Variants in SYT17 observed in about 807,000 individuals in gnomAD.
The protein encoded by SYT17 is synaptotagmin 17, also known as synaptotagmin-17.
SYT17 carries 22 observed loss-of-function variants against 46.7 expected under a neutral mutation model. That is an observed-to-expected ratio of 0.47 (90% CI 0.34 to 0.67). SYT17 has a LOEUF of 0.67. SYT17 is among the 30% of genes least tolerant of loss of function. The pLI is 0.01. For synonymous variants in SYT17, 251 were observed against 248.4 expected, an observed-to-expected ratio of 1.01 and a Z score of -0.10; for missense variants, 519 against 612.8, an observed-to-expected ratio of 0.85 and a Z score of 1.62.
Position 19,183,685 on chromosome 16 carries a change from C to T in SYT17, c.489C>T (p.Ser163=). ...YFRKFEPHLY[S]LDSNSDDVDS... is the part of the protein sequence containing the mutation. Reference sequence around the variant, plus strand: ...GGAAGTTCGAACCCCACCTGTACTCCCTCGACTCCAACAGCGACGATGTGG... The same window carrying T: ...GGAAGTTCGAACCCCACCTGTACTCTCTCGACTCCAACAGCGACGATGTGG... The change falls in exon 5 of 8, where the codon TCC becomes TCT. Residue 163 remains serine (S), a synonymous_variant. Transcript: ENST00000355377. The surrounding 1 kb of genome is among the most constrained non-coding windows in gnomAD (Gnocchi z 5.6). The T allele has an allele frequency of 1.2e-6, 2 of 1,614,190 alleles. No individual in the cohort carries two copies. The highest frequency in any genetic ancestry group is 1.3e-5 in the African/African-American group (1 of 75,044).
At chr16:19,196,953 C>T (rs1387905649) in intron 5 of SYT17, among the ~76,000 whole-genome samples, 3 of 152,152 alleles carry the variant, frequency 2.0e-5, no homozygotes, top group Non-Finnish European at 2.9e-5. Flanking sequence ...TACAAACGCC[C>T]CCAGCCTGCC....
At chr16:19,191,402 C>T (rs1485812653) in intron 5 of SYT17, among the ~76,000 whole-genome samples, 1 of 152,150 alleles carries the variant, frequency 6.6e-6, no homozygotes, top group Non-Finnish European at 1.5e-5. Context: ...TTGCCTTGCC[C>T]CTTCCTCCAT....
rs180875806 is a variant in SYT17, at chr16:19,256,309, A to G, written c.1229-10571A>G. On this transcript the variant is annotated intron_variant, in intron 7 of 7. Transcript: ENST00000355377. ...TCAGAGCCAATCCTGACCATGCTGG[A>G]CCCTAGAGAGATGGCGAGAAGGGCC... is the stretch of plus-strand genomic sequence containing the variant. Among the ~76,000 whole-genome samples the G allele has an allele frequency of 1.0e-3, 157 of 151,902 alleles. 1 individual carries two copies. Among genetic ancestry groups the G allele is most frequent in the Admixed American group, 2.0e-3 (30 of 15,232 alleles).
chr16:19,231,451 A>G (rs908571778), intron 7 of SYT17, among the ~76,000 whole-genome samples: 3 of 134,106 alleles, frequency 2.2e-5, no homozygotes, highest in Non-Finnish European at 3.1e-5. Flanking sequence ...GGTGCCTGTT[A>G]TCCCAGCTAC....
At chr16:19,234,529 G>T (rs571692652) in intron 7 of SYT17, among the ~76,000 whole-genome samples, 1 of 152,192 alleles carries the variant, frequency 6.6e-6, no homozygotes, top group South Asian at 2.1e-4. Context: ...AAAGTGCCTT[G>T]TACAGTTAGT....
At position 19,183,490 on chromosome 16, in the gene SYT17, A is replaced by T. The variant is rs1169334969; in HGVS notation, c.332-38A>T. 2.5e-6 allele frequency: 4 copies of T among 1,609,964 alleles called. No homozygotes were observed. The highest frequency in any genetic ancestry group is 3.4e-6 in the Non-Finnish European group (4 of 1,177,316). ...GCAAAGTGGCCCAGGTCTGCCCCGT[A>T]TGTGGCTGTCTTCATTGTTATTTCT... On this transcript the variant is annotated intron_variant, in intron 4 of 7. Transcript: ENST00000355377. The surrounding 1 kb of genome is among the most constrained non-coding windows in gnomAD (Gnocchi z 5.6).
intron 5 of SYT17, among the ~76,000 whole-genome samples, chr16:19,192,994 C>G (rs1001583917): frequency 6.6e-6 from 1 of 152,172 alleles, no homozygotes; most frequent in East Asian, 1.9e-4. Flanking sequence ...AACTCTGGAC[C>G]TCGTTCCGAG....
At position 19,220,303 on chromosome 16, in the gene SYT17, C is replaced by CTTTCTTTTTTTTTTTTTTTTTTTTTTT. The variant is rs776097400; in HGVS notation, c.952-2739_952-2738insCTTTTTTTTTTTTTTTTTTTTTTTTTT. ...TTCAATGACATTTCTTTCTTTCTTT[C>CTTTCTTTTTTTTTTTTTTTTTTTTTTT]TTTTTTTTTTTTTTTTTGAGATGAA... On this transcript the variant is annotated intron_variant, in intron 5 of 7. Transcript: ENST00000355377. 7.5e-5 allele frequency among the ~76,000 whole-genome samples: 6 copies of CTTTCTTTTTTTTTTTTTTTTTTTTTTT among 80,514 alleles called. 1 individual carries two copies. Among genetic ancestry groups the CTTTCTTTTTTTTTTTTTTTTTTTTTTT allele is most frequent in the South Asian group, 1.1e-3 (2 of 1,816 alleles). 52.8% of individuals were successfully genotyped at this position (80,514 alleles called of 152,430 possible). A position where few individuals can be genotyped will look rare whatever the true frequency, so the allele number is the denominator to read the frequency against.
chr16:19,219,812 T>A (rs1189400000), intron 5 of SYT17, among the ~76,000 whole-genome samples: 1 of 152,232 alleles, frequency 6.6e-6, no homozygotes, highest in Non-Finnish European at 1.5e-5. Flanking sequence ...CACTGGTGTA[T>A]CCTTAGTCCT....
At chr16:19,210,520 T>TC (rs1965858196) in intron 5 of SYT17, among the ~76,000 whole-genome samples, 1 of 151,884 alleles carries the variant, frequency 6.6e-6, no homozygotes, top group Admixed American at 6.6e-5. Context: ...CCTTTTTTTT[T>TC]CTTAAAGGGT....
At chr16:19,213,297 T>A (rs532847152) in intron 5 of SYT17, among the ~76,000 whole-genome samples, 1 of 152,212 alleles carries the variant, frequency 6.6e-6, no homozygotes, top group South Asian at 2.1e-4. Flanking sequence ...CAGGTTGGAG[T>A]TGGACCACAC....
chr16:19,204,781 C>T (rs997329853), intron 5 of SYT17, among the ~76,000 whole-genome samples: 6 of 152,128 alleles, frequency 3.9e-5, no homozygotes, highest in African/African-American at 1.2e-4. Flanking sequence ...CTCAGTGGCT[C>T]TGTTGAGGGC....
chr16:19,240,986 C>T (rs1246368968), intron 7 of SYT17, among the ~76,000 whole-genome samples: 17 of 129,810 alleles, frequency 1.3e-4, no homozygotes, highest in East Asian at 1.1e-3. Flanking sequence ...CTCGCTCTGT[C>T]GCCCAGGCTG....
In SYT17 at chr16:19,183,098, C is replaced by T. The variant is rs1454714915; in HGVS notation, c.332-430C>T. ...GCTCACTCTCTTAAAGTGGAGACAT[C>T]GTAGGATAATGGTTAGAGCCAGACT... On this transcript the variant is annotated intron_variant, in intron 4 of 7. Transcript: ENST00000355377. This position sits in a 1 kb window ranked among gnomAD's most constrained non-coding sequence, Gnocchi z 5.6. Among the ~76,000 whole-genome samples, 1 of 152,156 alleles carries T rather than the reference C, an allele frequency of 6.6e-6. No homozygotes were observed. The highest frequency in any genetic ancestry group is 2.1e-4 in the South Asian group (1 of 4,824).
Position 19,183,829 on chromosome 16 carries a change from G to T in SYT17, c.633G>T (p.Leu211=). 1 of 1,614,132 alleles carries T rather than the reference G, an allele frequency of 6.2e-7. No individual in the cohort carries two copies. The highest frequency in any genetic ancestry group is 8.5e-7 in the Non-Finnish European group (1 of 1,180,034). ...TGCGCGTGATCGAGGCCAGGGACCT[G>T]CCACCTCCCATCTCCCACGATGGCT... The part of the protein sequence containing the change: ...LTVRVIEARD[L]PPPISHDGSR... The change falls in exon 5 of 8, where the codon CTG becomes CTT. Residue 211 remains leucine, a synonymous_variant. Coordinates refer to ENST00000355377, the MANE Select transcript of SYT17 (RefSeq NM_016524.4). This position sits in a 1 kb window ranked among gnomAD's most constrained non-coding sequence, Gnocchi z 5.6.
intron 5 of SYT17, among the ~76,000 whole-genome samples, chr16:19,214,796 T>C (rs938810708): frequency 8.1e-5 from 12 of 148,028 alleles, no homozygotes; most frequent in Admixed American, 1.4e-4. Flanking sequence ...ATAATTCTCT[T>C]TTTTTTTTTT....
intron 7 of SYT17, among the ~76,000 whole-genome samples, chr16:19,226,767 T>A (rs991211873): frequency 6.6e-6 from 1 of 152,208 alleles, no homozygotes; most frequent in African/African-American, 2.4e-5. Flanking sequence ...TGAAGTCTCT[T>A]TTCCCAAGTC....
chr16:19,207,084 G>A (rs986886985), intron 5 of SYT17, among the ~76,000 whole-genome samples: 4 of 152,122 alleles, frequency 2.6e-5, no homozygotes, highest in Admixed American at 6.5e-5. Context: ...AAAGAGCCTC[G>A]TGCCTTCCCC....
intron 3 of SYT17, among the ~76,000 whole-genome samples, chr16:19,175,068 A>G (rs778671700): frequency 6.6e-6 from 1 of 152,122 alleles, no homozygotes; most frequent in Admixed American, 6.5e-5. Flanking sequence ...GGTTGAGGCT[A>G]CAGTGAGCTG....
Sources: gnomAD v4.1 joint callset for allele counts (sites outside exome capture counted in the v4.1 genomes callset) on GRCh38, gnomAD v4.1.1 for gene constraint, Gnocchi (gnomAD v3.1) non-coding constraint, MANE v1.5 for transcripts, NCBI Gene and HGNC (gene_info 2026-07-23, HGNC 2026-07-21) for gene names.